LINGO2: variants seen among roughly 807,000 people sequenced by gnomAD.
The protein encoded by LINGO2 is leucine rich repeat and Ig domain containing 2, also known as leucine-rich repeat and immunoglobulin-like domain-containing nogo receptor-interacting protein 2.
A neutral mutation model predicts 30.6 loss-of-function variants in LINGO2; 14 were observed. The observed-to-expected ratio is 0.46, with a 90% confidence interval of 0.30 to 0.72. The LOEUF (loss-of-function observed/expected upper bound fraction) is 0.72, where lower values mean the gene tolerates loss of function less well. Among genes scored for constraint, LINGO2 ranks in the 30% least tolerant of loss-of-function variants. The probability of loss-of-function intolerance (pLI) is 0.07; values close to 1 mark genes in which losing one functional copy is unlikely to be tolerated. For missense variants in LINGO2, 729 were observed against 751.7 expected (o/e 0.97, Z 0.35); for synonymous variants, 317 against 288.5 (o/e 1.10, Z -1.00).
At chr9:28,187,321 T>A (rs10968366) in intron 4 of LINGO2, among the ~76,000 whole-genome samples, 15,568 of 151,818 alleles carry the variant, frequency 0.1, 1,052 homozygotes, top group Middle Eastern at 0.15. Flanking sequence ...TGAAACCCCA[T>A]CTCTGTTAAA....
At chr9:28,783,279 G>A in the LINGO2 span, among the ~76,000 whole-genome samples, 4 of 152,076 alleles carry the variant, frequency 2.6e-5, no homozygotes, top group Admixed American at 1.3e-4. Context: ...ATATGAAATA[G>A]CATTGTATTT....
At chr9:28,224,026 A>G (rs751249646) in intron 4 of LINGO2, among the ~76,000 whole-genome samples, 1 of 152,204 alleles carries the variant, frequency 6.6e-6, no homozygotes, top group African/African-American at 2.4e-5. Context: ...TCACTGGGAT[A>G]GATGAAACTG....
chr9:28,468,277 C>T (rs1825389010), intron 2 of LINGO2, among the ~76,000 whole-genome samples: 1 of 152,168 alleles, frequency 6.6e-6, no homozygotes, highest in South Asian at 2.1e-4. Flanking sequence ...ACCCAGTTCC[C>T]TCACTTGGAC....
the LINGO2 span, among the ~76,000 whole-genome samples, chr9:29,000,947 T>A: frequency 6.6e-6 from 1 of 151,986 alleles, no homozygotes; most frequent in South Asian, 2.1e-4. Context: ...TGAAATCAAT[T>A]TAAGGAATAA....
chr9:28,959,541 T>C, the LINGO2 span, among the ~76,000 whole-genome samples: 5 of 151,122 alleles, frequency 3.3e-5, no homozygotes, highest in African/African-American at 1.2e-4. Flanking sequence ...GGAATTAAAT[T>C]TATTTATCAC....
At chr9:28,426,955 T>C (rs1823439570) in intron 2 of LINGO2, among the ~76,000 whole-genome samples, 1 of 152,092 alleles carries the variant, frequency 6.6e-6, no homozygotes, top group South Asian at 2.1e-4. Context: ...TTTATTAATA[T>C]TTTACTATAA....
At chr9:28,607,230 T>A (rs1825731824) in intron 1 of LINGO2, among the ~76,000 whole-genome samples, 1 of 152,044 alleles carries the variant, frequency 6.6e-6, no homozygotes, top group South Asian at 2.1e-4. Context: ...AAAGATTGAT[T>A]GATACTGACA....
the LINGO2 span, among the ~76,000 whole-genome samples, chr9:28,998,932 T>G: frequency 6.6e-6 from 1 of 152,142 alleles, no homozygotes; most frequent in African/African-American, 2.4e-5. Context: ...AATTTTAGAA[T>G]GTATTTAAAA....
At chr9:28,177,782 T>C (rs543988995) in intron 4 of LINGO2, among the ~76,000 whole-genome samples, 1 of 152,162 alleles carries the variant, frequency 6.6e-6, no homozygotes, top group African/African-American at 2.4e-5. Flanking sequence ...AAAAATTCCA[T>C]GAAATAAATT....
the LINGO2 span, among the ~76,000 whole-genome samples, chr9:28,993,160 A>T: frequency 3.3e-5 from 5 of 152,036 alleles, no homozygotes; most frequent in African/African-American, 7.2e-5. Context: ...TCAAATAGAC[A>T]CAATAAAAAA....
chr9:28,267,865 C>T (rs1213987686), intron 4 of LINGO2, among the ~76,000 whole-genome samples: 3 of 151,982 alleles, frequency 2.0e-5, no homozygotes, highest in African/African-American at 7.2e-5. Context: ...ATTCTTGGCT[C>T]CTCCATTTCT....
At chr9:28,127,341 T>C (rs1170435118) in intron 4 of LINGO2, among the ~76,000 whole-genome samples, 2 of 152,170 alleles carry the variant, frequency 1.3e-5, no homozygotes, top group East Asian at 1.9e-4. Context: ...AACTATACTG[T>C]TGAAGAGAGG....
At chr9:28,258,676 A>C (rs1822462344) in intron 4 of LINGO2, among the ~76,000 whole-genome samples, 1 of 151,986 alleles carries the variant, frequency 6.6e-6, no homozygotes, top group South Asian at 2.1e-4. Context: ...TTTAGAAATA[A>C]ATCTGAATTC....
chr9:28,618,733 A>T (rs952681133), intron 1 of LINGO2, among the ~76,000 whole-genome samples: 26 of 152,234 alleles, frequency 1.7e-4, no homozygotes, highest in South Asian at 6.2e-4. Context: ...TGTTACCTTG[A>T]TCTCACCAGT....
chr9:28,952,496 A>G, the LINGO2 span, among the ~76,000 whole-genome samples: 3 of 152,094 alleles, frequency 2.0e-5, no homozygotes, highest in African/African-American at 4.8e-5. Flanking sequence ...TTCTTTCTCC[A>G]TCTCTTAAAT....
At chr9:28,598,664 A>G (rs775425948) in intron 1 of LINGO2, 1 of 152,182 alleles carries the variant, frequency 6.6e-6, no homozygotes, top group Non-Finnish European at 1.5e-5. Context: ...AGCCACTCCA[A>G]TCCTCATCCT....
the LINGO2 span, among the ~76,000 whole-genome samples, chr9:29,183,888 C>T: frequency 6.8e-6 from 1 of 146,996 alleles, no homozygotes; most frequent in Admixed American, 6.7e-5. Flanking sequence ...ACACTGCCTA[C>T]CTGTTTCTTT....
the LINGO2 span, among the ~76,000 whole-genome samples, chr9:28,985,939 G>A: frequency 6.6e-6 from 1 of 151,896 alleles, no homozygotes; most frequent in Admixed American, 6.6e-5. Context: ...TTACTGCCCA[G>A]ACCAATGTTG....
chr9:28,981,807 G>A, the LINGO2 span, among the ~76,000 whole-genome samples: 2 of 152,084 alleles, frequency 1.3e-5, no homozygotes, highest in African/African-American at 2.4e-5. Context: ...CAGATGGAGA[G>A]GTGAATAAAT....
Sources: gnomAD v4.1 joint callset for allele counts (sites outside exome capture counted in the v4.1 genomes callset) on GRCh38, gnomAD v4.1.1 for gene constraint, MANE v1.5 for transcripts, NCBI Gene and HGNC (gene_info 2026-07-23, HGNC 2026-07-21) for gene names.